Variants in CACNA1A observed in about 807,000 individuals in gnomAD.
CACNA1A encodes calcium voltage-gated channel subunit alpha1 A.
CACNA1A carries 57 observed loss-of-function variants against 262.4 expected under a neutral mutation model. That is an observed-to-expected ratio of 0.22 (90% confidence interval 0.18 to 0.27). The LOEUF is 0.27. CACNA1A is among the 10% of genes least tolerant of loss of function. CACNA1A has a pLI of 1.00. For missense variants in CACNA1A, 2,526 were observed against 3,562.8 expected (o/e 0.71, Z 7.41); for synonymous variants, 1,431 against 1,419.3 (o/e 1.01, Z -0.18).
chr19:13,240,136 G>A (rs990678086), intron 31 of CACNA1A, among the ~76,000 whole-genome samples: 1 of 140,570 alleles, frequency 7.1e-6, no homozygotes, highest in Non-Finnish European at 1.5e-5. Context: ...GGGTGACAGA[G>A]CGAGACTCTG....
At chr19:13,432,865 G>GA (rs1204224956) in intron 3 of CACNA1A, among the ~76,000 whole-genome samples, 6 of 151,862 alleles carry the variant, frequency 4.0e-5, no homozygotes, top group African/African-American at 1.5e-4. Context: ...TTTTCAGTTA[G>GA]AAAAAAAGTC....
chr19:13,466,930 C>T (rs1280963242), intron 1 of CACNA1A, among the ~76,000 whole-genome samples: 2 of 127,792 alleles, frequency 1.6e-5, no homozygotes, highest in African/African-American at 6.5e-5. Flanking sequence ...AGATGGGTCT[C>T]GCTATGTTGC....
chr19:13,286,415 G>T (rs1600245028), intron 20 of CACNA1A, 88 bp downstream of exon 20: 1 of 577,118 alleles, frequency 1.7e-6, no homozygotes, highest in Non-Finnish European at 2.9e-6. Flanking sequence ...CAGAGAGATG[G>T]GGTCACAGTC....
chr19:13,376,135 T>G (rs1377875456), intron 3 of CACNA1A, among the ~76,000 whole-genome samples: 2 of 152,156 alleles, frequency 1.3e-5, no homozygotes, highest in African/African-American at 2.4e-5. Flanking sequence ...CAAGGTGAAG[T>G]GATAAGTGCT....
chr19:13,501,092 C>T (rs896074584), intron 1 of CACNA1A, among the ~76,000 whole-genome samples: 1 of 152,002 alleles, frequency 6.6e-6, no homozygotes, highest in Admixed American at 6.6e-5. Context: ...TGTCCCATAT[C>T]TTGATTTGGG....
intron 6 of CACNA1A, among the ~76,000 whole-genome samples, chr19:13,353,304 T>G (rs1026058747): frequency 6.6e-6 from 1 of 150,812 alleles, no homozygotes; most frequent in Non-Finnish European, 1.5e-5. Context: ...TTTTTGTTTT[T>G]TTTTTTTTGT....
chr19:13,334,289 C>T, intron 8 of CACNA1A, 89 bp downstream of exon 8: 2 of 772,600 alleles, frequency 2.6e-6, no homozygotes, highest in East Asian at 2.5e-5. Context: ...ATAACCCTCC[C>T]AGCTTAGCCT....
chr19:13,324,198 T>C (rs1261355547), intron 10 of CACNA1A, among the ~76,000 whole-genome samples: 3 of 151,910 alleles, frequency 2.0e-5, no homozygotes, highest in Admixed American at 6.6e-5. Context: ...ATTGATCTCA[T>C]AGAAAGAGCA....
chr19:13,216,646 T>G (rs561183607), intron 38 of CACNA1A, among the ~76,000 whole-genome samples: 51 of 127,016 alleles, frequency 4.0e-4, no homozygotes, highest in Non-Finnish European at 1.6e-4. Flanking sequence ...TTTTTAAAAA[T>G]TTATCTATCT....
chr19:13,478,381 C>T lies in CACNA1A; in HGVS notation c.294-23169G>A, dbSNP rs1398023012. Reference sequence around the variant, plus strand: ...CTATCGCCCAGCCTGGAGTGCAGGACGCGATCACTCACTGCGGTCTTGAAC... The same window carrying T: ...CTATCGCCCAGCCTGGAGTGCAGGATGCGATCACTCACTGCGGTCTTGAAC... On this transcript the variant is annotated intron_variant, in intron 1 of 46. Coordinates refer to ENST00000360228, the MANE Select transcript of CACNA1A (RefSeq NM_001127222.2). Among the ~76,000 whole-genome samples, 5 of 152,064 alleles carry T rather than the reference C, an allele frequency of 3.3e-5. No homozygotes were observed. In the East Asian group the frequency reaches 7.7e-4, roughly 23 times the overall value.
At chr19:13,368,044 G>A (rs1021750602) in intron 4 of CACNA1A, among the ~76,000 whole-genome samples, 2 of 152,170 alleles carry the variant, frequency 1.3e-5, no homozygotes, top group Non-Finnish European at 2.9e-5. Flanking sequence ...GCCAAGCGTG[G>A]TGGCTCACAC....
intron 24 of CACNA1A, chr19:13,271,602 T>C (rs2057021432): frequency 6.6e-6 from 1 of 152,114 alleles, no homozygotes; most frequent in South Asian, 2.1e-4. Flanking sequence ...GGAGGCTAAT[T>C]TTACCTCCAG....
At chr19:13,446,347 T>C (rs917974201) in intron 3 of CACNA1A, among the ~76,000 whole-genome samples, 2 of 150,860 alleles carry the variant, frequency 1.3e-5, no homozygotes, top group Non-Finnish European at 3.0e-5. Context: ...CTCTGAAACA[T>C]AGAATTAAGT....
chr19:13,252,884 T>C, intron 30 of CACNA1A, 107 bp downstream of exon 30: 1 of 668,946 alleles, frequency 1.5e-6, no homozygotes, highest in Non-Finnish European at 2.6e-6. Context: ...AAGCCACCCT[T>C]GAGGTTGGGG....
At chr19:13,342,370 A>G (rs1014496008) in intron 6 of CACNA1A, among the ~76,000 whole-genome samples, 2 of 152,114 alleles carry the variant, frequency 1.3e-5, no homozygotes, top group Non-Finnish European at 2.9e-5. Flanking sequence ...TGGCAGTTCA[A>G]GTTAAGGGAG....
At position 13,207,057 on chromosome 19, in the gene CACNA1A, CGA is replaced by C; in HGVS notation, c.*254_*255del. The stretch of plus-strand genomic sequence containing the variant: ...GTTTGTCTGCTCCCTGCCTCCCACC[CGA>C]GAGCCCCTGTCGTGGGTGGGGGGAT... On this transcript the variant is annotated 3_prime_UTR_variant, in exon 47 of 47. Transcript: ENST00000360228. The surrounding 1 kb of genome is among the most constrained non-coding windows in gnomAD (Gnocchi z 5.7). 6.5e-6 allele frequency: 2 copies of C among 307,530 alleles called. No individual in the cohort carries two copies. The highest frequency in any genetic ancestry group is 1.2e-5 in the Non-Finnish European group (2 of 167,188). 19.1% of individuals were successfully genotyped at this position (307,530 alleles called of 1,614,324 possible). A position where few individuals can be genotyped will look rare whatever the true frequency, so the allele number is the denominator to read the frequency against.
chr19:13,232,081 G>A (rs1046123897), intron 34 of CACNA1A, among the ~76,000 whole-genome samples: 3 of 152,050 alleles, frequency 2.0e-5, no homozygotes, highest in Non-Finnish European at 4.4e-5. Flanking sequence ...ACCAATGCCC[G>A]TGCCCCACCC....
At chr19:13,498,719 A>C (rs914237891) in intron 1 of CACNA1A, among the ~76,000 whole-genome samples, 1 of 152,182 alleles carries the variant, frequency 6.6e-6, no homozygotes, top group Non-Finnish European at 1.5e-5. Context: ...CATTCCAATA[A>C]AAAGTCTTGG....
intron 3 of CACNA1A, among the ~76,000 whole-genome samples, chr19:13,439,775 T>C (rs1186397294): frequency 6.6e-6 from 1 of 152,014 alleles, no homozygotes; most frequent in Non-Finnish European, 1.5e-5. Flanking sequence ...AAGGGATTTT[T>C]AGGAAACTCA....
Sources: allele counts gnomAD v4.1 joint callset (sites outside exome capture counted in the v4.1 genomes callset), GRCh38; gene constraint gnomAD v4.1.1; non-coding constraint Gnocchi (gnomAD v3.1); transcripts MANE v1.5; gene names NCBI Gene and HGNC (gene_info 2026-07-23, HGNC 2026-07-21).